The following SPTLC3 variants were observed in gnomAD, a reference collection of about 807,000 sequenced individuals.
The protein encoded by SPTLC3 is serine palmitoyltransferase 3.
Under a neutral mutation model 59.3 loss-of-function variants are expected in SPTLC3, and 36 were observed. The observed-to-expected ratio is 0.61, with a 90% CI of 0.47 to 0.80. The LOEUF (loss-of-function observed/expected upper bound fraction) is 0.80, where lower values mean the gene tolerates loss of function less well. Among genes scored for constraint, SPTLC3 ranks in the 30% least tolerant of loss-of-function variants. The pLI is 0.00. For missense variants in SPTLC3, 625 were observed against 685.1 expected (o/e 0.91, Z 0.98); for synonymous variants, 257 against 240.8 (o/e 1.07, Z -0.62).
chr20:13,010,533 A>G (rs1195721704), intron 1 of SPTLC3, among the ~76,000 whole-genome samples: 1 of 152,174 alleles, frequency 6.6e-6, no homozygotes, highest in East Asian at 1.9e-4. Context: ...GCACTGTCCA[A>G]CGCTGGGAGG....
intron 4 of SPTLC3, among the ~76,000 whole-genome samples, chr20:13,084,337 T>G (rs536559881): frequency 6.6e-6 from 1 of 152,320 alleles, no homozygotes; most frequent in African/African-American, 2.4e-5. Flanking sequence ...CTTTATATAT[T>G]TAAGAACATA....
At chr20:13,097,643 T>C (rs1989466706) in intron 6 of SPTLC3, among the ~76,000 whole-genome samples, 1 of 152,134 alleles carries the variant, frequency 6.6e-6, no homozygotes, top group Admixed American at 6.5e-5. Flanking sequence ...CCTGTGTGTC[T>C]CCAGATATGA....
intron 9 of SPTLC3, among the ~76,000 whole-genome samples, chr20:13,137,106 C>T (rs1214959835): frequency 6.7e-6 from 1 of 149,314 alleles, no homozygotes; most frequent in African/African-American, 2.4e-5. Context: ...CAAGAAGTTC[C>T]TCTTCAATCT....
chr20:13,023,126 T>G (rs992242125), intron 1 of SPTLC3, among the ~76,000 whole-genome samples: 1 of 152,000 alleles, frequency 6.6e-6, no homozygotes, highest in South Asian at 2.1e-4. Context: ...CTTCTCCTAC[T>G]TGAAGTCTTC....
At chr20:13,021,085 A>T (rs937733633) in intron 1 of SPTLC3, among the ~76,000 whole-genome samples, 1 of 152,108 alleles carries the variant, frequency 6.6e-6, no homozygotes, top group Non-Finnish European at 1.5e-5. Context: ...CTCAATCTTC[A>T]TTTTACTTGA....
At chr20:13,037,414 C>A (rs1469834218) in intron 1 of SPTLC3, among the ~76,000 whole-genome samples, 1 of 152,204 alleles carries the variant, frequency 6.6e-6, no homozygotes, top group Non-Finnish European at 1.5e-5. Context: ...CATCGCATAA[C>A]AAACCCCACC....
At chr20:13,079,402 C>T (rs1988761102) in intron 4 of SPTLC3, among the ~76,000 whole-genome samples, 1 of 152,060 alleles carries the variant, frequency 6.6e-6, no homozygotes, top group Admixed American at 6.5e-5. Context: ...AAGTTATATT[C>T]CCACCTCACA....
At chr20:13,098,075 G>A (rs1238949228) in intron 6 of SPTLC3, among the ~76,000 whole-genome samples, 5 of 152,104 alleles carry the variant, frequency 3.3e-5, no homozygotes, top group East Asian at 3.8e-4. Flanking sequence ...TATTTAAAGC[G>A]TCGTATAAAG....
At chr20:13,127,977 ATG>A (rs1358541703) in intron 9 of SPTLC3, among the ~76,000 whole-genome samples, 1 of 152,198 alleles carries the variant, frequency 6.6e-6, no homozygotes, top group Non-Finnish European at 1.5e-5. Context: ...ATTCACTCGT[ATG>A]TGGCCTTAGA....
Position 13,009,183 on chromosome 20 carries a change from T to A in SPTLC3, c.-85T>A. 6.6e-6 allele frequency: 7 copies of A among 1,066,336 alleles called. No homozygotes were observed. Among genetic ancestry groups the A allele is most frequent in the Non-Finnish European group, 1.0e-5 (7 of 703,224 alleles). The allele number at this position is 1,066,336 out of a possible 1,614,324, so 66.1% of individuals were successfully genotyped here. A position where few individuals can be genotyped will look rare whatever the true frequency, so the allele number is the denominator to read the frequency against. ...TTAAGGGCTCAGCCCCAAAGAGCTT[T>A]ATCCCATCCCCTCGCAGACTGAAAA... is the stretch of plus-strand genomic sequence containing the variant. On this transcript the variant is annotated 5_prime_UTR_variant, in exon 1 of 12. Coordinates refer to ENST00000399002, the MANE Select transcript of SPTLC3 (RefSeq NM_018327.4).
At chr20:13,062,591 T>G (rs1360584230) in intron 2 of SPTLC3, among the ~76,000 whole-genome samples, 1 of 152,232 alleles carries the variant, frequency 6.6e-6, no homozygotes, top group Non-Finnish European at 1.5e-5. Context: ...TTCTTTTTCC[T>G]TTTTATTATG....
intron 10 of SPTLC3, among the ~76,000 whole-genome samples, chr20:13,156,012 T>C (rs1232407061): frequency 6.6e-6 from 1 of 152,114 alleles, no homozygotes. Flanking sequence ...TGATTGAAAG[T>C]AGCAGACAAT....
At chr20:13,017,675 G>A (rs1310623818) in intron 1 of SPTLC3, among the ~76,000 whole-genome samples, 1 of 152,008 alleles carries the variant, frequency 6.6e-6, no homozygotes, top group African/African-American at 2.4e-5. Context: ...TTTTATGTGT[G>A]GCTCAAGACA....
intron 1 of SPTLC3, among the ~76,000 whole-genome samples, chr20:13,045,386 A>G (rs553378472): frequency 9.2e-5 from 14 of 152,358 alleles, no homozygotes; most frequent in African/African-American, 3.1e-4. Flanking sequence ...TAATAAATGC[A>G]AACTTATTAA....
chr20:13,147,906 G>A (rs764844581), intron 9 of SPTLC3, among the ~76,000 whole-genome samples: 6 of 152,178 alleles, frequency 3.9e-5, no homozygotes, highest in Non-Finnish European at 7.3e-5. Flanking sequence ...GCATATTCAT[G>A]TTTTCTGTTA....
At chr20:13,137,290 C>T (rs1460533550) in intron 9 of SPTLC3, among the ~76,000 whole-genome samples, 1 of 152,098 alleles carries the variant, frequency 6.6e-6, no homozygotes, top group Non-Finnish European at 1.5e-5. Context: ...GAAGTTGTTG[C>T]CTTGGCTGTA....
At chr20:13,065,835 T>A (rs192092920) in intron 2 of SPTLC3, among the ~76,000 whole-genome samples, 1,294 of 89,998 alleles carry the variant, frequency 0.014, 18 homozygotes, top group African/African-American at 0.043. Context: ...TGCTTTGATA[T>A]ATATATACAT....
At chr20:13,034,754 A>G (rs185549876) in intron 1 of SPTLC3, among the ~76,000 whole-genome samples, 10 of 152,190 alleles carry the variant, frequency 6.6e-5, no homozygotes, top group Middle Eastern at 6.8e-3. Context: ...CATTTGCGTC[A>G]GTTCTACATG....
At chr20:13,057,681 A>G (rs1987785694) in intron 2 of SPTLC3, among the ~76,000 whole-genome samples, 1 of 152,234 alleles carries the variant, frequency 6.6e-6, no homozygotes, top group African/African-American at 2.4e-5. Context: ...CTCCACTAAC[A>G]ATCAGTAGAT....
Sources: gnomAD v4.1 joint callset for allele counts (sites outside exome capture counted in the v4.1 genomes callset) on GRCh38, gnomAD v4.1.1 for gene constraint, MANE v1.5 for transcripts, NCBI Gene and HGNC (gene_info 2026-07-23, HGNC 2026-07-21) for gene names.